Variants in PPM1L observed in about 807,000 individuals in gnomAD.
The protein encoded by PPM1L is protein phosphatase, Mg2+/Mn2+ dependent 1L.
Under a neutral mutation model 31.4 loss-of-function variants are expected in PPM1L, and 13 were observed. The observed-to-expected ratio is 0.41, with a 90% CI of 0.27 to 0.66. The LOEUF is 0.66. Ranked by LOEUF, PPM1L falls within the 30% of genes least tolerant of loss-of-function variation. The pLI is 0.29. For missense variants in PPM1L, 326 were observed against 453.7 expected (o/e 0.72, Z 2.56); for synonymous variants, 184 against 175.4 (o/e 1.05, Z -0.39).
At chr3:160,869,571 GT>G (rs1233108248) in intron 1 of PPM1L, among the ~76,000 whole-genome samples, 3 of 152,010 alleles carry the variant, frequency 2.0e-5, no homozygotes, top group African/African-American at 4.8e-5. Flanking sequence ...TTCAAGTTTT[GT>G]TTTTATGTTG....
At chr3:161,047,678 T>C (rs557046435) in intron 2 of PPM1L, among the ~76,000 whole-genome samples, 1 of 152,308 alleles carries the variant, frequency 6.6e-6, no homozygotes, top group East Asian at 1.9e-4. Context: ...GCTACCTGAC[T>C]TCAAACTATA....
At chr3:160,870,213 A>C (rs1712254084) in intron 1 of PPM1L, among the ~76,000 whole-genome samples, 1 of 152,168 alleles carries the variant, frequency 6.6e-6, no homozygotes, top group Admixed American at 6.5e-5. Flanking sequence ...CATAGGACAG[A>C]GTGCTATAAC....
intron 1 of PPM1L, among the ~76,000 whole-genome samples, chr3:160,815,041 T>C (rs1712953376): frequency 6.6e-6 from 1 of 151,930 alleles, no homozygotes; most frequent in African/African-American, 2.4e-5. Context: ...AGACTACACA[T>C]TGGGTGCAGT....
intron 1 of PPM1L, among the ~76,000 whole-genome samples, chr3:160,783,712 A>T (rs2108068229): frequency 6.6e-6 from 1 of 152,308 alleles, no homozygotes. Context: ...ATTGACTAAC[A>T]AAAGTAAGTA....
chr3:160,856,784 T>A (rs1711719918), intron 1 of PPM1L, among the ~76,000 whole-genome samples: 2 of 151,972 alleles, frequency 1.3e-5, no homozygotes, highest in Admixed American at 1.3e-4. Context: ...CAAACCTGCA[T>A]GTGTACCCTG....
intron 2 of PPM1L, among the ~76,000 whole-genome samples, chr3:161,019,445 A>G (rs980795360): frequency 6.6e-6 from 1 of 152,102 alleles, no homozygotes; most frequent in Non-Finnish European, 1.5e-5. Flanking sequence ...TGATCCTCCT[A>G]TCTTGGCTTG....
intron 1 of PPM1L, among the ~76,000 whole-genome samples, chr3:160,956,999 G>A (rs139837511): frequency 3.9e-5 from 6 of 152,328 alleles, no homozygotes; most frequent in Non-Finnish European, 1.5e-5. Flanking sequence ...AGGAGCTAAA[G>A]TACCTATACC....
At chr3:160,766,689 G>T (rs115247726) in intron 1 of PPM1L, among the ~76,000 whole-genome samples, 2,394 of 146,868 alleles carry the variant, frequency 0.016, 59 homozygotes, top group African/African-American at 0.057. Context: ...ATATAATATT[G>T]TACTTCTGAA....
chr3:160,759,692 CAG>C (rs1406247865), intron 1 of PPM1L, among the ~76,000 whole-genome samples: 1 of 152,104 alleles, frequency 6.6e-6, no homozygotes, highest in African/African-American at 2.4e-5. Flanking sequence ...TACGGTGACA[CAG>C]AGGAGGGACA....
intron 1 of PPM1L, among the ~76,000 whole-genome samples, chr3:160,952,966 G>A (rs1218928372): frequency 6.6e-6 from 1 of 152,146 alleles, no homozygotes; most frequent in Non-Finnish European, 1.5e-5. Flanking sequence ...AGGGGGAAAG[G>A]TAATTTATAA....
intron 2 of PPM1L, among the ~76,000 whole-genome samples, chr3:161,042,891 G>T (rs189113017): frequency 6.6e-6 from 1 of 151,894 alleles, no homozygotes; most frequent in Admixed American, 6.5e-5. Context: ...GTAGTGGCAG[G>T]CTCCTGTAAT....
At chr3:160,959,179 A>G (rs114870565) in intron 1 of PPM1L, among the ~76,000 whole-genome samples, 3,355 of 152,258 alleles carry the variant, frequency 0.022, 138 homozygotes, top group African/African-American at 0.077. Context: ...CCGTTGTTCT[A>G]TGTGAAGTAA....
intron 1 of PPM1L, among the ~76,000 whole-genome samples, chr3:160,899,140 G>A (rs374747999): frequency 1.3e-5 from 2 of 152,134 alleles, no homozygotes; most frequent in African/African-American, 4.8e-5. Flanking sequence ...GAGGGATGGA[G>A]GATTCAGCAG....
At chr3:160,821,123 G>A (rs16831516) in intron 1 of PPM1L, among the ~76,000 whole-genome samples, 4 of 151,840 alleles carry the variant, frequency 2.6e-5, no homozygotes, top group South Asian at 2.1e-4. Flanking sequence ...GAGAATCACC[G>A]GTCATGGCCC....
At chr3:160,903,216 G>GGTATGTGTGTATGTT (rs1713620730) in intron 1 of PPM1L, among the ~76,000 whole-genome samples, 1 of 126,304 alleles carries the variant, frequency 7.9e-6, no homozygotes, top group African/African-American at 3.3e-5. Flanking sequence ...GTTTGTGTGT[G>GGTATGTGTGTATGTT]TGTGTGTGTG....
At chr3:160,766,144 G>T (rs1227815127) in intron 1 of PPM1L, among the ~76,000 whole-genome samples, 2 of 152,122 alleles carry the variant, frequency 1.3e-5, no homozygotes, top group Non-Finnish European at 2.9e-5. Flanking sequence ...TTGTTTTATA[G>T]TTTTAGGCCC....
chr3:160,921,613 G>A (rs1714409642), intron 1 of PPM1L, among the ~76,000 whole-genome samples: 1 of 152,026 alleles, frequency 6.6e-6, no homozygotes, highest in Non-Finnish European at 1.5e-5. Flanking sequence ...TATTTAAAAT[G>A]TCACTGGATA....
At chr3:160,763,145 G>A (rs1169782602) in intron 1 of PPM1L, among the ~76,000 whole-genome samples, 1 of 152,140 alleles carries the variant, frequency 6.6e-6, no homozygotes, top group African/African-American at 2.4e-5. Context: ...GAGGAGAAAA[G>A]GTGGCTTTTA....
chr3:160,906,725 G>A (rs1453760861), intron 1 of PPM1L, among the ~76,000 whole-genome samples: 1 of 152,196 alleles, frequency 6.6e-6, no homozygotes, highest in East Asian at 1.9e-4. Context: ...TCATCTGAAG[G>A]TTTGATGGGG....
Sources: allele counts gnomAD v4.1 joint callset (sites outside exome capture counted in the v4.1 genomes callset), GRCh38; gene constraint gnomAD v4.1.1; transcripts MANE v1.5; gene names NCBI Gene and HGNC (gene_info 2026-07-23, HGNC 2026-07-21).